DPP10: variants seen among roughly 807,000 people sequenced by gnomAD.
DPP10 encodes inactive dipeptidyl peptidase 10.
In DPP10, 33 loss-of-function variants were observed where a neutral mutation model predicts 120.9. The observed-to-expected ratio is 0.27, with a 90% CI of 0.21 to 0.37. The LOEUF (loss-of-function observed/expected upper bound fraction) is 0.37. DPP10 is among the 10% of genes least tolerant of loss of function. The probability of loss-of-function intolerance (pLI) is 1.00; values close to 1 mark genes in which losing one functional copy is unlikely to be tolerated. For missense variants in DPP10, 816 were observed against 942.8 expected, an observed-to-expected ratio of 0.87 and a Z score of 1.76; for synonymous variants, 337 against 326.1, an observed-to-expected ratio of 1.03 and a Z score of -0.36.
chr2:115,663,190 G>A (rs750639328), intron 5 of DPP10, among the ~76,000 whole-genome samples: 66 of 152,002 alleles, frequency 4.3e-4, no homozygotes, highest in Non-Finnish European at 8.7e-4. Context: ...TGAAAAAAAT[G>A]CAATGTTTTA....
chr2:114,975,100 C>G lies in DPP10; in HGVS notation c.61-334139C>G, dbSNP rs532813541. The stretch of plus-strand genomic sequence containing the variant: ...TGTTGCCCCAGCTAGAGTGCAATGG[C>G]GCGATCTCAGCTCACTGCAGCCTCC... On this transcript the variant is annotated intron_variant, in intron 1 of 25. Coordinates refer to ENST00000410059, the MANE Select transcript of DPP10 (RefSeq NM_020868.6). 1.2e-3 allele frequency among the ~76,000 whole-genome samples: 176 copies of G among 150,518 alleles called. 1 individual carries two copies. The highest frequency in any genetic ancestry group is 2.1e-3 in the Non-Finnish European group (140 of 67,798).
chr2:114,591,775 G>A (rs924837305), intron 1 of DPP10, among the ~76,000 whole-genome samples: 25 of 151,734 alleles, frequency 1.6e-4, no homozygotes, highest in African/African-American at 5.6e-4. Flanking sequence ...GGCTGGTCTC[G>A]AACTCCTGAC....
chr2:115,412,743 T>C (rs2104593802), intron 3 of DPP10, among the ~76,000 whole-genome samples: 1 of 152,290 alleles, frequency 6.6e-6, no homozygotes, highest in Admixed American at 6.5e-5. Flanking sequence ...TCTTCACACA[T>C]TGTTTTTTAG....
At chr2:115,664,218 C>T (rs1459236827) in intron 5 of DPP10, among the ~76,000 whole-genome samples, 15 of 151,730 alleles carry the variant, frequency 9.9e-5, no homozygotes. Context: ...AAAACATTTT[C>T]AATTTGCCCA....
intron 1 of DPP10, among the ~76,000 whole-genome samples, chr2:115,124,083 C>T (rs919310680): frequency 1.3e-5 from 2 of 151,798 alleles, no homozygotes; most frequent in African/African-American, 2.4e-5. Context: ...GCTGGGACTA[C>T]AAGCATACCA....
chr2:114,549,620 C>T (rs191970409), intron 1 of DPP10, among the ~76,000 whole-genome samples: 2 of 143,862 alleles, frequency 1.4e-5, no homozygotes, highest in Admixed American at 1.5e-4. Context: ...GAGATTGTGC[C>T]ACTGCACTCC....
intron 1 of DPP10, among the ~76,000 whole-genome samples, chr2:114,452,269 AT>A (rs146016389): frequency 0.061 from 9,267 of 152,138 alleles, 303 homozygotes; most frequent in Middle Eastern, 0.078. Flanking sequence ...AGATGTGACA[AT>A]TATTTTCTTC....
intron 1 of DPP10, among the ~76,000 whole-genome samples, chr2:115,074,019 T>C (rs1707586462): frequency 1.3e-5 from 2 of 152,310 alleles, no homozygotes; most frequent in Non-Finnish European, 2.9e-5. Flanking sequence ...AAATGATTTT[T>C]TGATTTTGTT....
intron 1 of DPP10, among the ~76,000 whole-genome samples, chr2:114,922,767 A>G (rs1695291953): frequency 6.6e-6 from 1 of 152,152 alleles, no homozygotes; most frequent in African/African-American, 2.4e-5. Flanking sequence ...TTATGGATTT[A>G]TCACGTTTTG....
At chr2:115,067,179 T>A (rs1706920975) in intron 1 of DPP10, among the ~76,000 whole-genome samples, 1 of 152,142 alleles carries the variant, frequency 6.6e-6, no homozygotes, top group Non-Finnish European at 1.5e-5. Context: ...CCTAGCTTAT[T>A]TCCTTTAACA....
chr2:115,135,378 C>G (rs917734533), intron 1 of DPP10, among the ~76,000 whole-genome samples: 1 of 151,934 alleles, frequency 6.6e-6, no homozygotes, highest in African/African-American at 2.4e-5. Flanking sequence ...CATACTGGCC[C>G]AATATAGAGA....
chr2:115,589,808 G>T (rs1056776117), intron 5 of DPP10, among the ~76,000 whole-genome samples: 1 of 152,096 alleles, frequency 6.6e-6, no homozygotes, highest in Admixed American at 6.6e-5. Context: ...CCTAAGACTG[G>T]CATTCATAAT....
chr2:115,169,622 C>G (rs1401999929), intron 1 of DPP10, among the ~76,000 whole-genome samples: 2 of 152,138 alleles, frequency 1.3e-5, no homozygotes, highest in African/African-American at 2.4e-5. Context: ...TTAATATTCT[C>G]TTTCCAGAAG....
intron 1 of DPP10, among the ~76,000 whole-genome samples, chr2:115,279,263 C>A (rs1458903021): frequency 1.3e-5 from 2 of 152,102 alleles, no homozygotes; most frequent in Non-Finnish European, 2.9e-5. Flanking sequence ...CAAGGGAACA[C>A]CATGAAGAGA....
chr2:114,821,224 C>T (rs924225585), intron 1 of DPP10, among the ~76,000 whole-genome samples: 2 of 152,112 alleles, frequency 1.3e-5, no homozygotes, highest in African/African-American at 4.8e-5. Context: ...CCACCCTAGC[C>T]TGTTGATATG....
intron 1 of DPP10, among the ~76,000 whole-genome samples, chr2:115,056,523 C>G (rs1460446512): frequency 2.6e-5 from 4 of 152,152 alleles, no homozygotes; most frequent in Non-Finnish European, 5.9e-5. Context: ...CCACATCTTG[C>G]TATTTTTTTG....
intron 1 of DPP10, among the ~76,000 whole-genome samples, chr2:114,592,555 T>G (rs1298667815): frequency 6.6e-6 from 1 of 152,046 alleles, no homozygotes; most frequent in African/African-American, 2.4e-5. Context: ...CTTGTAGAGC[T>G]GAGGAATGAT....
intron 5 of DPP10, among the ~76,000 whole-genome samples, chr2:115,688,765 A>G (rs2149493948): frequency 6.6e-6 from 1 of 152,312 alleles, no homozygotes; most frequent in South Asian, 2.1e-4. Context: ...TTTGTTTGAA[A>G]TTTAATGGGT....
chr2:115,382,329 C>T (rs577303166), intron 3 of DPP10, among the ~76,000 whole-genome samples: 34 of 152,256 alleles, frequency 2.2e-4, no homozygotes, highest in East Asian at 7.8e-4. Context: ...TTCCAGGTGC[C>T]GTCTGTCACC....
Sources: gnomAD v4.1 joint callset for allele counts (sites outside exome capture counted in the v4.1 genomes callset) on GRCh38, gnomAD v4.1.1 for gene constraint, MANE v1.5 for transcripts, NCBI Gene and HGNC (gene_info 2026-07-23, HGNC 2026-07-21) for gene names.